FANCI: variants seen among roughly 807,000 people sequenced by gnomAD.
FANCI encodes FA complementation group I.
In FANCI, 156 loss-of-function variants were observed where a neutral mutation model predicts 176.1. The observed-to-expected ratio is 0.89, with a 90% CI of 0.78 to 1.01. The LOEUF is 1.01. Among genes scored for constraint, FANCI ranks in the 50% least tolerant of loss-of-function variants. FANCI has a pLI of 0.00. For synonymous variants in FANCI, 613 were observed against 541.7 expected, an observed-to-expected ratio of 1.13 and a Z score of -1.83; for missense variants, 1,678 against 1,534.1, an observed-to-expected ratio of 1.09 and a Z score of -1.57.
In FANCI at chr15:89,315,294, C is replaced by A; in HGVS notation, c.3829C>A (p.Gln1277Lys). The change falls in exon 37 of 38, where the codon CAG becomes AAG. Residue 1277 changes from glutamine (Q) to lysine (K), a missense_variant. Gln to Lys is a moderately conservative substitution (Grantham distance 53). Transcript: ENST00000310775. The stretch of plus-strand genomic sequence containing the variant: ...AATCTTGTCATAGGTGAACCTGATG[C>A]AGCACATGAAGCTCAGCACCTCACG... ...LSKKSKVNLM[Q>K]HMKLSTSRDF... 6.2e-7 allele frequency: 1 copy of A among 1,612,930 alleles called. No individual in the cohort carries two copies. The highest frequency in any genetic ancestry group is 8.5e-7 in the Non-Finnish European group (1 of 1,178,898).
chr15:89,295,274 A>G (rs530014302), intron 24 of FANCI, among the ~76,000 whole-genome samples, 180 bp downstream of exon 24: 4 of 151,954 alleles, frequency 2.6e-5, no homozygotes, highest in African/African-American at 9.6e-5. Flanking sequence ...AGCTGAGGCA[A>G]GAGAATCACT....
At chr15:89,271,643 C>T (rs2053204619) in intron 10 of FANCI, among the ~76,000 whole-genome samples, 1 of 152,184 alleles carries the variant, frequency 6.6e-6, no homozygotes, top group Non-Finnish European at 1.5e-5. Flanking sequence ...GGACCGCAGG[C>T]GCACACCACC....
Position 89,316,863 on chromosome 15 carries a change from C to A in FANCI, c.*404C>A. Reference sequence around the variant, plus strand: ...GTGCAAATTGGTTAGGATGCCACCTCAAGAACTGTAACTGAGAGCTCAGAA... The same window carrying A: ...GTGCAAATTGGTTAGGATGCCACCTAAAGAACTGTAACTGAGAGCTCAGAA... On this transcript the variant is annotated 3_prime_UTR_variant, in exon 38 of 38. Transcript: ENST00000310775. 2 of 1,458,128 alleles carry A rather than the reference C, an allele frequency of 1.4e-6. No individual in the cohort carries two copies. The highest frequency in any genetic ancestry group is 1.1e-5 in the South Asian group (1 of 87,936). The allele number at this position is 1,458,128 out of a possible 1,614,324, so 90.3% of individuals were successfully genotyped here.
At chr15:89,287,360 C>T (rs1182598960) in intron 18 of FANCI, among the ~76,000 whole-genome samples, 1 of 152,044 alleles carries the variant, frequency 6.6e-6, no homozygotes, top group African/African-American at 2.4e-5. Flanking sequence ...TTGGCAGCTT[C>T]CTCATCTCTT....
Position 89,289,816 on chromosome 15 carries a change from G to A in FANCI, c.1822-397G>A, listed in dbSNP as rs138395755. Among the ~76,000 whole-genome samples the A allele has an allele frequency of 3.4e-4, 51 of 151,176 alleles. No individual in the cohort carries two copies. In the East Asian group the frequency reaches 4.1e-3, roughly 12 times the overall value. ...TGCAACCTTCATACCTCAGCCTCCC[G>A]AGTAGCTGTGATTACAGGCATGTGC... On this transcript the variant is annotated intron_variant, in intron 18 of 37. Transcript: ENST00000310775.
chr15:89,261,310 G>A (rs1596242401), intron 4 of FANCI, among the ~76,000 whole-genome samples: 1 of 152,074 alleles, frequency 6.6e-6, no homozygotes, highest in Non-Finnish European at 1.5e-5. Context: ...CCACTTAGGT[G>A]TATATATTAC....
chr15:89,300,198 T>G (rs1363131268), intron 25 of FANCI, 102 bp from the exon 26 acceptor site: 7 of 1,217,962 alleles, frequency 5.7e-6, no homozygotes, highest in Non-Finnish European at 8.2e-6. Context: ...AATTTAAGTC[T>G]GCCTTTAGAC....
intron 2 of FANCI, 54 bp downstream of exon 2, chr15:89,247,785 A>T: frequency 6.7e-7 from 1 of 1,482,550 alleles, no homozygotes; most frequent in Non-Finnish European, 9.4e-7. Flanking sequence ...ATGATGACAC[A>T]TTCAAAGGAC....
Position 89,300,093 on chromosome 15 carries a change from T to G in FANCI, c.2803+127T>G, listed in dbSNP as rs181578599. 1.6e-4 allele frequency: 183 copies of G among 1,151,618 alleles called. No individual in the cohort carries two copies. In the African/African-American group the frequency reaches 2.5e-3, roughly 16 times the overall value. The allele number at this position is 1,151,618 out of a possible 1,614,324, so 71.3% of individuals were successfully genotyped here. A position where few individuals can be genotyped will look rare whatever the true frequency, so the allele number is the denominator to read the frequency against. On this transcript the variant is annotated intron_variant, in intron 25 of 37. Transcript: ENST00000310775. ...CCTAATGTTGCTAAGGAGTGACATC[T>G]AGTGGATTCAGGATTGGTACCTACT...
chr15:89,292,086 G>A (rs1404931177), intron 20 of FANCI, among the ~76,000 whole-genome samples: 4 of 152,158 alleles, frequency 2.6e-5, no homozygotes, highest in African/African-American at 9.7e-5. Context: ...TATGATTTAG[G>A]CTGAACTAGG....
At chr15:89,283,755 C>A (rs1440500124) in intron 17 of FANCI, among the ~76,000 whole-genome samples, 1 of 149,666 alleles carries the variant, frequency 6.7e-6, no homozygotes, top group African/African-American at 2.5e-5. Flanking sequence ...TATTATATTT[C>A]TTTCTTTTTT....
chr15:89,301,491 G>A (rs769369603), intron 27 of FANCI, 49 bp downstream of exon 27: 2 of 1,223,044 alleles, frequency 1.6e-6, no homozygotes, highest in East Asian at 2.3e-5. Flanking sequence ...CAGAAGGCAA[G>A]GATTATTGCA....
chr15:89,297,774 GA>G (rs1399850433), intron 24 of FANCI, among the ~76,000 whole-genome samples: 3 of 149,166 alleles, frequency 2.0e-5, no homozygotes, highest in African/African-American at 7.6e-5. Flanking sequence ...TGGGGAGAGG[GA>G]GGGGGAGGGG....
chr15:89,296,714 C>A (rs1211711082), intron 24 of FANCI, among the ~76,000 whole-genome samples: 1 of 152,214 alleles, frequency 6.6e-6, no homozygotes, highest in Non-Finnish European at 1.5e-5. Context: ...GTTGGGTACA[C>A]CTCCCAGACG....
intron 8 of FANCI, 44 bp downstream of exon 8, chr15:89,264,070 C>T (rs2052833480): frequency 6.2e-7 from 1 of 1,610,398 alleles, no homozygotes; most frequent in Admixed American, 1.7e-5. Context: ...GTGGTATGAC[C>T]AGTTATGACC....
intron 34 of FANCI, 57 bp downstream of exon 34, chr15:89,307,729 C>T: frequency 6.2e-7 from 1 of 1,613,848 alleles, no homozygotes; most frequent in Non-Finnish European, 8.5e-7. Flanking sequence ...TCTTACATGC[C>T]CAGGGGACTA....
intron 19 of FANCI, 55 bp downstream of exon 19, chr15:89,290,336 A>G (rs2054013416): frequency 5.2e-6 from 7 of 1,350,696 alleles, no homozygotes; most frequent in Non-Finnish European, 7.4e-6. Context: ...ATCGAGAGAC[A>G]GTTGATGGTT....
At chr15:89,307,328 G>T in intron 32 of FANCI, 148 bp from the exon 33 acceptor site, 1 of 742,380 alleles carries the variant, frequency 1.3e-6, no homozygotes, top group East Asian at 2.7e-5. Context: ...TGGAGGAGAG[G>T]AATAAGGAAG....
chr15:89,290,327 T>A (rs1187639207), intron 19 of FANCI, 46 bp downstream of exon 19: 2 of 1,424,384 alleles, frequency 1.4e-6, no homozygotes, highest in Non-Finnish European at 2.0e-6. Flanking sequence ...CCATCAAGGA[T>A]CGAGAGACAG....
Sources: allele counts gnomAD v4.1 joint callset (sites outside exome capture counted in the v4.1 genomes callset), GRCh38; gene constraint gnomAD v4.1.1; transcripts MANE v1.5; gene names NCBI Gene and HGNC (gene_info 2026-07-23, HGNC 2026-07-21).